The following PAQR5 variants were observed in gnomAD, a reference collection of about 807,000 sequenced individuals.
The protein encoded by PAQR5 is membrane progestin receptor gamma.
In PAQR5, 20 loss-of-function variants were observed where a neutral mutation model predicts 34.5. The ratio of observed to expected loss-of-function variants is 0.58; its 90% confidence interval spans 0.41 to 0.84. The LOEUF is 0.84. Ranked by LOEUF, PAQR5 falls within the 40% of genes least tolerant of loss-of-function variation. The pLI, the probability that PAQR5 is intolerant of heterozygous loss-of-function variation, is 0.00. For missense variants in PAQR5, 378 were observed against 412.7 expected (o/e 0.92, Z 0.73); for synonymous variants, 131 against 155.6 (o/e 0.84, Z 1.18).
Position 69,341,927 on chromosome 15 carries a change from C to CAA in PAQR5, c.-116+4441_-116+4442dup, listed in dbSNP as rs71149907. Among the ~76,000 whole-genome samples the CAA allele has an allele frequency of 7.1e-3, 963 of 134,752 alleles. 5 individuals are homozygous for CAA. The highest frequency in any genetic ancestry group is 0.011 in the Middle Eastern group (3 of 268). 88.4% of individuals were successfully genotyped at this position (134,752 alleles called of 152,430 possible). A position where few individuals can be genotyped will look rare whatever the true frequency, so the allele number is the denominator to read the frequency against. On this transcript the variant is annotated intron_variant, in intron 2 of 8. Transcript: ENST00000395407. ...TGGACAACAGAGTGAGACCCTGTCT[C>CAA]AAAAAAAAAAAAAAAACTGTTTCAG... is the stretch of plus-strand genomic sequence containing the variant.
At chr15:69,391,803 T>A (rs529000808) in intron 6 of PAQR5, 2 of 407,686 alleles carry the variant, frequency 4.9e-6, no homozygotes, top group East Asian at 1.5e-4. Flanking sequence ...ACACCTGTAA[T>A]CCCAGCATTT....
chr15:69,326,204 A>G (rs547886203), intron 1 of PAQR5, among the ~76,000 whole-genome samples: 2 of 152,214 alleles, frequency 1.3e-5, no homozygotes, highest in East Asian at 3.9e-4. Flanking sequence ...TTTCTCTGTG[A>G]TCAGACACCT....
At chr15:69,389,909 C>A in intron 6 of PAQR5, 129 bp downstream of exon 6, 1 of 1,062,106 alleles carries the variant, frequency 9.4e-7, no homozygotes, top group Non-Finnish European at 1.4e-6. Flanking sequence ...GGACTCCGTT[C>A]CAGGTGGACT....
intron 3 of PAQR5, chr15:69,379,318 G>C (rs535710882): frequency 4.1e-5 from 23 of 558,278 alleles, no homozygotes; most frequent in Non-Finnish European, 5.2e-5. Context: ...ATGGGGGTGG[G>C]GGTGACTTGA....
chr15:69,382,414 A>G, intron 4 of PAQR5, among the ~76,000 whole-genome samples: 1 of 151,940 alleles, frequency 6.6e-6, no homozygotes, highest in Non-Finnish European at 1.5e-5. Context: ...TGGGAGGCTG[A>G]GGCAGGCAGA....
At chr15:69,367,096 T>G (rs1223197462) in intron 3 of PAQR5, among the ~76,000 whole-genome samples, 1 of 152,148 alleles carries the variant, frequency 6.6e-6, no homozygotes, top group African/African-American at 2.4e-5. Context: ...CAGCACATGG[T>G]GAGATTTTAT....
At chr15:69,384,129 A>T (rs1595922045) in intron 4 of PAQR5, among the ~76,000 whole-genome samples, 1 of 114,038 alleles carries the variant, frequency 8.8e-6, no homozygotes, top group Non-Finnish European at 1.8e-5. Context: ...CTCTGTGCTC[A>T]TGGTGGAGGG....
chr15:69,371,634 T>G (rs187861670), intron 3 of PAQR5, among the ~76,000 whole-genome samples: 1 of 152,334 alleles, frequency 6.6e-6, no homozygotes, highest in African/African-American at 2.4e-5. Context: ...TACGTGAATC[T>G]TCTCTTCACA....
chr15:69,386,381 G>A (rs1212669586), intron 5 of PAQR5, among the ~76,000 whole-genome samples: 1 of 152,098 alleles, frequency 6.6e-6, no homozygotes, highest in East Asian at 1.9e-4. Context: ...CCAGTCCCCA[G>A]CATTCACTAG....
chr15:69,380,153 G>C, intron 4 of PAQR5, 143 bp downstream of exon 4: 1 of 822,846 alleles, frequency 1.2e-6, no homozygotes, highest in Non-Finnish European at 2.0e-6. Context: ...GGTGAAGGGA[G>C]TGTGTGACAG....
intron 1 of PAQR5, among the ~76,000 whole-genome samples, chr15:69,323,341 G>C (rs1398182932): frequency 1.3e-5 from 2 of 152,248 alleles, no homozygotes; most frequent in Admixed American, 6.5e-5. Flanking sequence ...CACCTATGGT[G>C]GTGAGGGAGG....
rs28618223 is a variant in PAQR5 at position 69,395,365 on chromosome 15, G to A, written c.513-2103G>A. ...AGCCCAGGGTTTAAATCCTAGCTCT[G>A]CTTCTTATTGGCTCATCTGACTTCA... On this transcript the variant is annotated intron_variant, in intron 6 of 8. Coordinates refer to ENST00000395407, the MANE Select transcript of PAQR5 (RefSeq NM_017705.4). Among the ~76,000 whole-genome samples the A allele has an allele frequency of 7.8e-3, 1,192 of 152,336 alleles. 9 individuals are homozygous for A. The highest frequency in any genetic ancestry group is 0.027 in the African/African-American group (1,143 of 41,582).
chr15:69,398,678 C>A (rs908341103), intron 7 of PAQR5, among the ~76,000 whole-genome samples: 1 of 152,230 alleles, frequency 6.6e-6, no homozygotes, highest in Non-Finnish European at 1.5e-5. Flanking sequence ...GATGGGGCTG[C>A]AGCCCGTTCC....
chr15:69,324,954 A>G (rs1357897801), intron 1 of PAQR5, among the ~76,000 whole-genome samples: 2 of 148,658 alleles, frequency 1.3e-5, no homozygotes, highest in Non-Finnish European at 3.0e-5. Flanking sequence ...GCTGGAGTGC[A>G]GTGGGGCAAT....
chr15:69,301,030 G>A (rs2053593856), intron 1 of PAQR5, among the ~76,000 whole-genome samples: 1 of 104,320 alleles, frequency 9.6e-6, no homozygotes, highest in African/African-American at 4.2e-5. Flanking sequence ...TTTTGACTGA[G>A]TCTTGCTCTA....
chr15:69,355,517 T>C (rs2055054572), intron 2 of PAQR5, among the ~76,000 whole-genome samples: 1 of 151,414 alleles, frequency 6.6e-6, no homozygotes, highest in African/African-American at 2.4e-5. Context: ...GTCTCCCAGG[T>C]TCAAGAGAGT....
chr15:69,360,042 G>A lies in PAQR5; in HGVS notation c.-39G>A. 6 of 1,564,660 alleles carry A rather than the reference G, an allele frequency of 3.8e-6. No homozygotes were observed. The highest frequency in any genetic ancestry group is 4.4e-6 in the Non-Finnish European group (5 of 1,135,520). On this transcript the variant is annotated 5_prime_UTR_variant, in exon 3 of 9. Transcript: ENST00000395407. ...TTTGAGTGAGGCCTGGTAACAGGGA[G>A]GCGCTGTCACCTACTGGCCTTGCCA...
intron 1 of PAQR5, among the ~76,000 whole-genome samples, chr15:69,312,804 G>T (rs870335): frequency 0.41 from 62,805 of 151,362 alleles, 13,280 homozygotes; most frequent in African/African-American, 0.52. Context: ...CAGTACTGAA[G>T]CCTGAGGCCC....
chr15:69,399,156 G>A (rs2056543854), intron 7 of PAQR5, among the ~76,000 whole-genome samples: 1 of 152,206 alleles, frequency 6.6e-6, no homozygotes, highest in African/African-American at 2.4e-5. Flanking sequence ...TGACTCAGAA[G>A]GCCTTCCAGG....
Sources: allele counts gnomAD v4.1 joint callset (sites outside exome capture counted in the v4.1 genomes callset), GRCh38; gene constraint gnomAD v4.1.1; transcripts MANE v1.5; gene names NCBI Gene and HGNC (gene_info 2026-07-23, HGNC 2026-07-21).